The following OPRD1 variants were observed in gnomAD, a reference collection of about 807,000 sequenced individuals.
The protein encoded by OPRD1 is delta-type opioid receptor.
Under a neutral mutation model 17.5 loss-of-function variants are expected in OPRD1, and 19 were observed. The observed-to-expected ratio is 1.09, with a 90% CI of 0.76 to 1.60. OPRD1 has a LOEUF of 1.60. Among genes scored for constraint, OPRD1 ranks in the 40% most tolerant of loss-of-function variants. OPRD1 has a pLI of 0.00. For synonymous variants in OPRD1, 256 were observed against 240.9 expected (o/e 1.06, Z -0.58); for missense variants, 483 against 547.2 (o/e 0.88, Z 1.17).
At chr1:28,861,009 C>T (rs1418074026) in intron 2 of OPRD1, among the ~76,000 whole-genome samples, 1 of 152,192 alleles carries the variant, frequency 6.6e-6, no homozygotes, top group African/African-American at 2.4e-5. Context: ...CAATCCCTCA[C>T]ACACACACTT....
intron 1 of OPRD1, among the ~76,000 whole-genome samples, chr1:28,819,530 C>G (rs1205647891): frequency 6.6e-6 from 1 of 152,204 alleles, no homozygotes; most frequent in African/African-American, 2.4e-5. Flanking sequence ...GCTTCTGCCA[C>G]ATGCCAGAGG....
At chr1:28,850,384 C>T (rs1402445467) in intron 1 of OPRD1, among the ~76,000 whole-genome samples, 5 of 152,080 alleles carry the variant, frequency 3.3e-5, no homozygotes, top group South Asian at 4.2e-4. Context: ...AGTGTAGTGG[C>T]ACAATCTCAG....
At chr1:28,843,194 G>A (rs1336872948) in intron 1 of OPRD1, among the ~76,000 whole-genome samples, 1 of 152,092 alleles carries the variant, frequency 6.6e-6, no homozygotes, top group Non-Finnish European at 1.5e-5. Context: ...TGAATGGCTC[G>A]AAAGGACCCC....
intron 1 of OPRD1, among the ~76,000 whole-genome samples, chr1:28,827,380 T>C (rs2088776020): frequency 6.6e-6 from 1 of 151,902 alleles, no homozygotes; most frequent in Non-Finnish European, 1.5e-5. Flanking sequence ...GTGCAGTGGC[T>C]ACTCACAGGC....
At chr1:28,850,849 A>G (rs1275391293) in intron 1 of OPRD1, among the ~76,000 whole-genome samples, 1 of 150,716 alleles carries the variant, frequency 6.6e-6, no homozygotes, top group Non-Finnish European at 1.5e-5. Flanking sequence ...CAATGGAAGA[A>G]TCGAGAGATA....
chr1:28,854,148 CAT>C (rs1020972605), intron 1 of OPRD1, among the ~76,000 whole-genome samples: 1 of 152,146 alleles, frequency 6.6e-6, no homozygotes, highest in African/African-American at 2.4e-5. Flanking sequence ...CTACACAGAA[CAT>C]GTGAGGAACT....
intron 2 of OPRD1, 93 bp from the exon 3 acceptor site, chr1:28,862,649 G>C: frequency 8.0e-7 from 1 of 1,251,716 alleles, no homozygotes; most frequent in Non-Finnish European, 1.1e-6. Flanking sequence ...GGTGGGACTT[G>C]CCCAAGCCTT....
intron 1 of OPRD1, among the ~76,000 whole-genome samples, chr1:28,858,403 C>T (rs1403260732): frequency 1.3e-5 from 2 of 151,938 alleles, no homozygotes; most frequent in African/African-American, 2.4e-5. Context: ...CGTGAGCCAC[C>T]GCGCCCGGCC....
chr1:28,817,216 G>A (rs756032676), intron 1 of OPRD1, among the ~76,000 whole-genome samples: 16 of 152,140 alleles, frequency 1.1e-4, no homozygotes, highest in Non-Finnish European at 2.2e-4. Context: ...TTAGCAAGCC[G>A]GATCGCCTCA....
intron 1 of OPRD1, among the ~76,000 whole-genome samples, chr1:28,842,078 G>A (rs1311320816): frequency 6.6e-6 from 1 of 151,698 alleles, no homozygotes; most frequent in African/African-American, 2.4e-5. Context: ...TGCCCAGGCT[G>A]GAGTGCAGTG....
rs537346408 is a variant in OPRD1, at chr1:28,823,632, GA to G, written c.227+11023del. Among the ~76,000 whole-genome samples, 72 of 152,124 alleles carry G rather than the reference GA, an allele frequency of 4.7e-4. 1 individual carries two copies. The East Asian group carries it at 0.013, about 27-fold the overall frequency. On this transcript the variant is annotated intron_variant, in intron 1 of 2. Coordinates refer to ENST00000234961, the MANE Select transcript of OPRD1 (RefSeq NM_000911.4). ...GCTGGTCTCGAGCTCCAGACCTTGT[GA>G]TCCGCCTGCCTTGGTCTCCCAAAGT...
rs943055649 is a variant in OPRD1 at position 28,852,585 on chromosome 1, G to A, written c.228-6369G>A. On this transcript the variant is annotated intron_variant, in intron 1 of 2. Coordinates refer to ENST00000234961, the MANE Select transcript of OPRD1 (RefSeq NM_000911.4). ...CTCAGGAGTCTGAGGCCAGAGAATC[G>A]TTTGAGCCCAGGAGATGGAGGCTGT... Among the ~76,000 whole-genome samples the A allele has an allele frequency of 3.3e-5, 5 of 152,244 alleles. 1 individual carries two copies. The East Asian group carries it at 5.8e-4, about 18-fold the overall frequency.
At chr1:28,857,800 T>G (rs888942704) in intron 1 of OPRD1, among the ~76,000 whole-genome samples, 2 of 152,150 alleles carry the variant, frequency 1.3e-5, no homozygotes, top group African/African-American at 4.8e-5. Context: ...GGATTTTTCT[T>G]TTTTGTTTTT....
chr1:28,826,322 A>G (rs2088768159), intron 1 of OPRD1, among the ~76,000 whole-genome samples: 1 of 152,122 alleles, frequency 6.6e-6, no homozygotes, highest in Non-Finnish European at 1.5e-5. Context: ...CAGGAGTTAG[A>G]GCCCAGCCTG....
At chr1:28,820,646 C>A (rs1220578225) in intron 1 of OPRD1, among the ~76,000 whole-genome samples, 1 of 152,006 alleles carries the variant, frequency 6.6e-6, no homozygotes, top group Non-Finnish European at 1.5e-5. Flanking sequence ...AACAATATGG[C>A]AAGACCCTGT....
At chr1:28,860,997 C>T (rs2089109819) in intron 2 of OPRD1, among the ~76,000 whole-genome samples, 1 of 152,220 alleles carries the variant, frequency 6.6e-6, no homozygotes. Flanking sequence ...CTCCTCACTC[C>T]ACAATCCCTC....
intron 1 of OPRD1, among the ~76,000 whole-genome samples, chr1:28,843,591 G>A (rs1206163522): frequency 6.6e-6 from 1 of 152,162 alleles, no homozygotes; most frequent in African/African-American, 2.4e-5. Flanking sequence ...GTTCATCCTT[G>A]TTGTAGCAGG....
intron 1 of OPRD1, among the ~76,000 whole-genome samples, chr1:28,853,931 G>A (rs1476443527): frequency 1.3e-5 from 2 of 151,760 alleles, no homozygotes; most frequent in Non-Finnish European, 2.9e-5. Context: ...TGTAGAGATA[G>A]GGTTTTTCCA....
intron 1 of OPRD1, among the ~76,000 whole-genome samples, chr1:28,848,839 A>G (rs2088975185): frequency 6.6e-6 from 1 of 152,180 alleles, no homozygotes; most frequent in Non-Finnish European, 1.5e-5. Flanking sequence ...AGAGATGTCA[A>G]TACATATTTG....
Sources: gnomAD v4.1 joint callset for allele counts (sites outside exome capture counted in the v4.1 genomes callset) on GRCh38, gnomAD v4.1.1 for gene constraint, MANE v1.5 for transcripts, NCBI Gene and HGNC (gene_info 2026-07-23, HGNC 2026-07-21) for gene names.